Variants in NOSTRIN observed in about 807,000 individuals in gnomAD.
NOSTRIN encodes BM247 homolog.
Under a neutral mutation model 59.0 loss-of-function variants are expected in NOSTRIN, and 63 were observed. The observed-to-expected ratio is 1.07, with a 90% CI of 0.87 to 1.32. NOSTRIN has a LOEUF of 1.32. NOSTRIN is among the 40% of genes most tolerant of loss of function. The pLI is 0.00. For missense variants in NOSTRIN, 512 were observed against 473.1 expected (o/e 1.08, Z -0.76); for synonymous variants, 200 against 165.4 (o/e 1.21, Z -1.61).
intron 14 of NOSTRIN, 93 bp from the exon 15 acceptor site, chr2:168,861,867 C>A: frequency 9.0e-7 from 1 of 1,115,360 alleles, no homozygotes; most frequent in South Asian, 1.4e-5. Flanking sequence ...TATATTGAAA[C>A]TCTGCATCAC....
At chr2:168,848,265 G>C (rs1271451054) in intron 8 of NOSTRIN, among the ~76,000 whole-genome samples, 1 of 152,212 alleles carries the variant, frequency 6.6e-6, no homozygotes, top group Non-Finnish European at 1.5e-5. Flanking sequence ...CTTTATCTGG[G>C]AGACAGAAGG....
intron 1 of NOSTRIN, among the ~76,000 whole-genome samples, chr2:168,805,100 A>G (rs1364549155): frequency 6.6e-6 from 1 of 152,178 alleles, no homozygotes; most frequent in East Asian, 1.9e-4. Flanking sequence ...TGTTATTCTG[A>G]ATCAAATAGG....
At chr2:168,860,710 G>A (rs1458092769) in intron 13 of NOSTRIN, 85 bp from the exon 14 acceptor site, 2 of 852,928 alleles carry the variant, frequency 2.3e-6, no homozygotes, top group Non-Finnish European at 3.7e-6. Flanking sequence ...AACAACTTGA[G>A]GAAAACAGCT....
chr2:168,849,089 G>A (rs1688595181), intron 8 of NOSTRIN, among the ~76,000 whole-genome samples: 1 of 152,182 alleles, frequency 6.6e-6, no homozygotes, highest in African/African-American at 2.4e-5. Flanking sequence ...TTCAAGAGGT[G>A]AGCAAGGAGA....
chr2:168,843,079 A>T lies in NOSTRIN; in HGVS notation c.592A>T (p.Arg198Ter). 3.4e-6 allele frequency: 3 copies of T among 872,758 alleles called. No individual in the cohort carries two copies. In the South Asian group the frequency reaches 3.9e-5, roughly 11 times the overall value. 54.1% of individuals were successfully genotyped at this position (872,758 alleles called of 1,614,324 possible). The change falls in exon 8 of 16, where the codon AGA (arginine) becomes TGA (stop). Residue 198 changes from arginine (R) to a stop codon, truncating the protein, a stop_gained. Coordinates refer to ENST00000317647, the MANE Select transcript of NOSTRIN (RefSeq NM_001039724.4). LOFTEE classifies it high-confidence loss of function. ...YQKNMAGYSTRLKWENTLENC... is the reference protein window; with the variant it reads ...YQKNMAGYST ...AAAAAACATGGCGGGTTATTCTACC[A>T]GACTGAAATGGGAAAACACACTAGA...
At chr2:168,857,930 C>T (rs1344495632) in intron 12 of NOSTRIN, among the ~76,000 whole-genome samples, 1 of 152,186 alleles carries the variant, frequency 6.6e-6, no homozygotes, top group African/African-American at 2.4e-5. Flanking sequence ...GGTGCTGTTG[C>T]AGAAACAAGC....
Position 168,864,869 on chromosome 2 carries a change from G to T in NOSTRIN, c.1420G>T (p.Gly474Ter), listed in dbSNP as rs1689760003. The change falls in exon 16 of 16, where the codon GGA (glycine) becomes TGA (stop). Residue 474 changes from glycine (G) to a stop codon, truncating the protein, a stop_gained. Transcript: ENST00000317647. LOFTEE classifies it high-confidence loss of function. ...IVIIHEKKEG[G>*]WWFGSLNGKK... ...GATTATACACGAGAAAAAAGAAGGA[G>T]GATGGTGGTTTGGATCTTTGAATGG... 2 of 1,613,810 alleles carry T rather than the reference G, an allele frequency of 1.2e-6. No homozygotes were observed. Among genetic ancestry groups the T allele is most frequent in the African/African-American group, 1.3e-5 (1 of 74,884 alleles).
intron 8 of NOSTRIN, among the ~76,000 whole-genome samples, chr2:168,847,101 C>T (rs1257794857): frequency 6.6e-6 from 1 of 152,150 alleles, no homozygotes; most frequent in Non-Finnish European, 1.5e-5. Context: ...ACCATGGATG[C>T]TTATGAAATA....
chr2:168,787,439 A>G (rs1685234083), intron 1 of NOSTRIN, among the ~76,000 whole-genome samples: 1 of 152,148 alleles, frequency 6.6e-6, no homozygotes, highest in South Asian at 2.1e-4. Context: ...TTGAAGACTA[A>G]TTTGTGTTAG....
At chr2:168,807,393 C>T (rs1433601287) in intron 1 of NOSTRIN, among the ~76,000 whole-genome samples, 2 of 152,142 alleles carry the variant, frequency 1.3e-5, no homozygotes, top group Non-Finnish European at 2.9e-5. Flanking sequence ...ATGAAAAGTA[C>T]AGAATGATTG....
intron 2 of NOSTRIN, among the ~76,000 whole-genome samples, chr2:168,815,043 T>C (rs1380335250): frequency 3.3e-5 from 5 of 152,228 alleles, no homozygotes; most frequent in African/African-American, 9.6e-5. Context: ...TCCTGGAATG[T>C]GGTTCTGCTT....
intron 7 of NOSTRIN, among the ~76,000 whole-genome samples, chr2:168,837,858 G>A (rs1260034698): frequency 6.6e-6 from 1 of 152,006 alleles, no homozygotes. Flanking sequence ...TTTCACTTTA[G>A]TAACAACTAA....
rs76522686 is a variant in NOSTRIN, at chr2:168,824,760, T to A, written c.197+43T>A. On this transcript the variant is annotated intron_variant, in intron 3 of 15. Coordinates refer to ENST00000317647, the MANE Select transcript of NOSTRIN (RefSeq NM_001039724.4). ...GGTAAGGCAAAATCAACCCTTTTTT[T>A]ATTTGTTTTTTGTTTGTTTGTTTGT... 3.6e-3 allele frequency: 3,026 copies of A among 832,564 alleles called. 54 individuals are homozygous for A. The African/African-American group carries it at 0.045, about 12-fold the overall frequency. 51.6% of individuals were successfully genotyped at this position (832,564 alleles called of 1,614,324 possible).
chr2:168,828,452 T>C lies in NOSTRIN; in HGVS notation c.293T>C (p.Ile98Thr), dbSNP rs1359503990. The C allele has an allele frequency of 1.1e-6, 1 of 872,198 alleles. No individual in the cohort carries two copies. The highest frequency in any genetic ancestry group is 1.6e-5 in the African/African-American group (1 of 61,272). The allele number at this position is 872,198 out of a possible 1,614,324, so 54.0% of individuals were successfully genotyped here. Residue 98 changes from isoleucine to threonine, a missense_variant, in exon 5 of 16, where the codon ATA (isoleucine) becomes ACA (threonine). By Grantham distance (89) the Ile-to-Thr change is moderately conservative. Transcript: ENST00000317647. Reference protein sequence around the residue: ...KLGKAIELEAIKPTYQVLNVQ... With the variant: ...KLGKAIELEATKPTYQVLNVQ... ...GGCAAAGCAATTGAATTGGAAGCAA[T>C]AAAACCGACTTATCAAGTCCTAAAT...
At chr2:168,852,979 T>G (rs908886957) in intron 10 of NOSTRIN, among the ~76,000 whole-genome samples, 2 of 152,210 alleles carry the variant, frequency 1.3e-5, no homozygotes, top group Admixed American at 1.3e-4. Context: ...TCTATTTTCT[T>G]ACAAAGAATA....
chr2:168,837,300 C>CTTTT lies in NOSTRIN; in HGVS notation c.504+2999_504+3002dup, dbSNP rs761309524. 5.0e-4 allele frequency among the ~76,000 whole-genome samples: 31 copies of CTTTT among 62,178 alleles called. 2 individuals carry two copies. Among genetic ancestry groups the CTTTT allele is most frequent in the African/African-American group, 1.1e-3 (19 of 16,936 alleles). The allele number at this position is 62,178 out of a possible 152,430, so 40.8% of individuals were successfully genotyped here. On this transcript the variant is annotated intron_variant, in intron 7 of 15. Coordinates refer to ENST00000317647, the MANE Select transcript of NOSTRIN (RefSeq NM_001039724.4). ...TTTTTATAATACACTTTTTTAACAT[C>CTTTT]TTTTTTTTTTTTTTTTTTTTTTTTT... is the stretch of plus-strand genomic sequence containing the variant.
intron 7 of NOSTRIN, among the ~76,000 whole-genome samples, chr2:168,837,617 T>C (rs1687817707): frequency 6.6e-6 from 1 of 152,126 alleles, no homozygotes; most frequent in Admixed American, 6.5e-5. Context: ...TCACAATATA[T>C]CTTAGTGAAA....
chr2:168,828,130 T>A, intron 3 of NOSTRIN, 28 bp from the exon 4 acceptor site: 1 of 872,848 alleles, frequency 1.1e-6, no homozygotes, highest in Admixed American at 1.7e-5. Context: ...GACACTCACC[T>A]TTGTTCCCCA....
chr2:168,865,044 C>T lies in NOSTRIN; in HGVS notation c.*74C>T, dbSNP rs1392624800. The T allele has an allele frequency of 4.0e-6, 6 of 1,503,850 alleles. No homozygotes were observed. The highest frequency in any genetic ancestry group is 5.4e-6 in the Non-Finnish European group (6 of 1,103,462). The allele number at this position is 1,503,850 out of a possible 1,614,324, so 93.2% of individuals were successfully genotyped here. On this transcript the variant is annotated 3_prime_UTR_variant, in exon 16 of 16. Transcript: ENST00000317647. ...GTGTGGTTCAAATAAGAATAAAGTGCTCTTACCTTTACATGTTTTTCTTTT... is the reference window on the plus strand; with the variant it reads ...GTGTGGTTCAAATAAGAATAAAGTGTTCTTACCTTTACATGTTTTTCTTTT...
Sources: gnomAD v4.1 joint callset for allele counts (sites outside exome capture counted in the v4.1 genomes callset) on GRCh38, gnomAD v4.1.1 for gene constraint, MANE v1.5 for transcripts, NCBI Gene and HGNC (gene_info 2026-07-23, HGNC 2026-07-21) for gene names.